Variants in PATJ observed in about 807,000 individuals in gnomAD.
The protein encoded by PATJ is inaD-like protein.
A neutral mutation model predicts 224.9 loss-of-function variants in PATJ; 190 were observed. That is an observed-to-expected ratio of 0.84 (90% CI 0.75 to 0.95). The LOEUF is 0.95. Among genes scored for constraint, PATJ ranks in the 40% least tolerant of loss-of-function variants. PATJ has a pLI of 0.00. For synonymous variants in PATJ, 769 were observed against 820.3 expected (o/e 0.94, Z 1.07); for missense variants, 2,121 against 2,270.3 (o/e 0.93, Z 1.34).
At chr1:62,076,591 A>G (rs866352403) in intron 31 of PATJ, among the ~76,000 whole-genome samples, 5 of 152,198 alleles carry the variant, frequency 3.3e-5, no homozygotes, top group African/African-American at 9.7e-5. Flanking sequence ...CTTGGATTCT[A>G]TGGACTGCTT....
rs1160429821 is a variant in PATJ, at chr1:62,016,134, G to T, written c.3868-1722G>T. ...CAGAACGAAAGCTGATAGAATAAGA[G>T]GCAGAGTGAGGAGGTAGCTCAAGAT... On this transcript the variant is annotated intron_variant, in intron 28 of 43. Transcript: ENST00000642238. Among the ~76,000 whole-genome samples the T allele has an allele frequency of 3.9e-5, 6 of 152,178 alleles. No individual in the cohort carries two copies. In the East Asian group the frequency reaches 1.2e-3, roughly 29 times the overall value.
At chr1:62,030,933 G>A (rs966965537) in intron 29 of PATJ, among the ~76,000 whole-genome samples, 1 of 152,102 alleles carries the variant, frequency 6.6e-6, no homozygotes, top group Non-Finnish European at 1.5e-5. Flanking sequence ...GAACATTTGG[G>A]TTGTTTCCAG....
intron 12 of PATJ, among the ~76,000 whole-genome samples, chr1:61,802,852 T>C (rs1271731389): frequency 6.6e-6 from 1 of 152,218 alleles, no homozygotes; most frequent in African/African-American, 2.4e-5. Context: ...CACAGTTCCC[T>C]GCACAAAAGT....
At chr1:61,938,797 TAAAAA>T (rs202101008) in intron 27 of PATJ, among the ~76,000 whole-genome samples, 1 of 152,008 alleles carries the variant, frequency 6.6e-6, no homozygotes, top group Non-Finnish European at 1.5e-5. Context: ...ATTTAGAGCA[TAAAAA>T]AATTTTTTTT....
In PATJ at chr1:62,123,631, C is replaced by T. The variant is rs556547143; in HGVS notation, c.5043+573C>T. The stretch of plus-strand genomic sequence containing the variant: ...TACCTGGGACTACAGGCGCCTGCCA[C>T]CACGCCCAGCTAATTTTTTGTATTT... On this transcript the variant is annotated intron_variant, in intron 39 of 43. Transcript: ENST00000642238. 7.3e-5 allele frequency among the ~76,000 whole-genome samples: 11 copies of T among 151,482 alleles called. 1 individual carries two copies. The highest frequency in any genetic ancestry group is 2.2e-4 in the African/African-American group (9 of 41,252).
rs991671863 is a variant in PATJ, at chr1:62,125,459, T to C, written c.5043+2401T>C. ...GCCCAGGAAGTGGCTTCTGTTGTTA[T>C]TAGCTACAGCTTTGACTAAATCTGC... On this transcript the variant is annotated intron_variant, in intron 39 of 43. Coordinates refer to ENST00000642238, the MANE Select transcript of PATJ (RefSeq NM_001350145.3). Among the ~76,000 whole-genome samples, 3 of 152,108 alleles carry C rather than the reference T, an allele frequency of 2.0e-5. No individual in the cohort carries two copies. In the South Asian group the frequency reaches 6.2e-4, roughly 31 times the overall value.
chr1:61,916,994 T>G (rs1048459347), intron 26 of PATJ, among the ~76,000 whole-genome samples: 1 of 152,192 alleles, frequency 6.6e-6, no homozygotes, highest in Non-Finnish European at 1.5e-5. Context: ...CCTTAAACAC[T>G]AATCTTAGTT....
At chr1:61,779,259 A>G in intron 7 of PATJ, among the ~76,000 whole-genome samples, 1 of 152,180 alleles carries the variant, frequency 6.6e-6, no homozygotes, top group East Asian at 1.9e-4. Context: ...GCAAGTCCAA[A>G]ATACGTAGGG....
At chr1:62,024,742 T>G (rs996594014) in intron 29 of PATJ, among the ~76,000 whole-genome samples, 5 of 151,314 alleles carry the variant, frequency 3.3e-5, no homozygotes, top group Non-Finnish European at 7.4e-5. Flanking sequence ...TAGATGCCTG[T>G]CTCCCTCTGT....
chr1:61,780,169 A>G (rs1467945470), intron 7 of PATJ, among the ~76,000 whole-genome samples: 3 of 152,192 alleles, frequency 2.0e-5, no homozygotes, highest in Non-Finnish European at 4.4e-5. Flanking sequence ...ATAGACCTTT[A>G]AAACACATCT....
intron 31 of PATJ, among the ~76,000 whole-genome samples, chr1:62,062,418 T>TTTTTTTTTTTTTTTTTA (rs1655674100): frequency 7.4e-6 from 1 of 135,588 alleles, no homozygotes; most frequent in South Asian, 2.4e-4. Flanking sequence ...TTTTTTTTTT[T>TTTTTTTTTTTTTTTTTA]TCCTTTTTTG....
At chr1:62,072,621 G>A (rs1657617025) in intron 31 of PATJ, 1 of 151,686 alleles carries the variant, frequency 6.6e-6, no homozygotes, top group South Asian at 2.1e-4. Flanking sequence ...TGCCTAAAAA[G>A]GGGTGAACCA....
chr1:61,935,171 T>C (rs1001920441), intron 27 of PATJ, among the ~76,000 whole-genome samples: 5 of 152,144 alleles, frequency 3.3e-5, no homozygotes, highest in Non-Finnish European at 7.4e-5. Flanking sequence ...AGAGTAGTCA[T>C]AAAGAAACAA....
chr1:61,929,562 T>C (rs1675710476), intron 27 of PATJ, among the ~76,000 whole-genome samples: 1 of 152,218 alleles, frequency 6.6e-6, no homozygotes, highest in South Asian at 2.1e-4. Flanking sequence ...ATACTAACTT[T>C]GTGAAGTTCT....
intron 7 of PATJ, among the ~76,000 whole-genome samples, chr1:61,776,927 G>A (rs1460294416): frequency 2.6e-5 from 4 of 151,960 alleles, no homozygotes; most frequent in African/African-American, 2.4e-5. Context: ...GGGTTTCACC[G>A]TGTTAGCTAT....
chr1:61,901,164 A>C, intron 23 of PATJ, 118 bp from the exon 24 acceptor site: 2 of 494,570 alleles, frequency 4.0e-6, no homozygotes, highest in Non-Finnish European at 6.7e-6. Context: ...ATTTGTAAAA[A>C]TATATTTCAA....
intron 18 of PATJ, among the ~76,000 whole-genome samples, chr1:61,858,331 C>T (rs763705917): frequency 8.5e-5 from 13 of 152,088 alleles, no homozygotes; most frequent in Non-Finnish European, 1.3e-4. Flanking sequence ...GGTGCAATCT[C>T]GGCTCACTGC....
chr1:62,004,413 T>A (rs1257773239), intron 28 of PATJ, among the ~76,000 whole-genome samples: 1 of 152,242 alleles, frequency 6.6e-6, no homozygotes, highest in African/African-American at 2.4e-5. Context: ...GGTCTGGGGT[T>A]TCTACTTTGT....
intron 27 of PATJ, among the ~76,000 whole-genome samples, chr1:61,942,795 T>G (rs1012502797): frequency 2.6e-5 from 4 of 152,144 alleles, no homozygotes; most frequent in African/African-American, 9.7e-5. Flanking sequence ...GTGATCCGCC[T>G]GCCTCAGCCT....
Sources: allele counts gnomAD v4.1 joint callset (sites outside exome capture counted in the v4.1 genomes callset), GRCh38; gene constraint gnomAD v4.1.1; transcripts MANE v1.5; gene names NCBI Gene and HGNC (gene_info 2026-07-23, HGNC 2026-07-21).